Variants in MALRD1 observed in about 807,000 individuals in gnomAD.
The protein encoded by MALRD1 is MAM and LDL-receptor class A domain-containing protein 1.
Under a neutral mutation model 242.1 loss-of-function variants are expected in MALRD1, and 247 were observed. The ratio of observed to expected loss-of-function variants is 1.02; its 90% CI spans 0.92 to 1.13. The LOEUF (loss-of-function observed/expected upper bound fraction) is 1.13. Ranked by LOEUF, MALRD1 falls within the 50% of genes most tolerant of loss-of-function variation. The pLI, the probability that MALRD1 is intolerant of heterozygous loss-of-function variation, is 0.00. For synonymous variants in MALRD1, 995 were observed against 866.6 expected (o/e 1.15, Z -2.60); for missense variants, 2,989 against 2,533.1 (o/e 1.18, Z -3.86).
chr10:19,175,788 C>A (rs1009446255), intron 14 of MALRD1, among the ~76,000 whole-genome samples: 5 of 151,862 alleles, frequency 3.3e-5, no homozygotes, highest in African/African-American at 1.2e-4. Context: ...TAAAACTGGA[C>A]CTTAAAATTC....
intron 21 of MALRD1, among the ~76,000 whole-genome samples, chr10:19,295,870 C>G (rs932626244): frequency 6.6e-6 from 1 of 152,118 alleles, no homozygotes; most frequent in African/African-American, 2.4e-5. Context: ...TTTAGTAGGT[C>G]TGGGGTAGAC....
At chr10:19,168,718 A>G (rs1362270306) in intron 13 of MALRD1, among the ~76,000 whole-genome samples, 1 of 152,134 alleles carries the variant, frequency 6.6e-6, no homozygotes, top group Non-Finnish European at 1.5e-5. Flanking sequence ...TTTGGCTGCA[A>G]TGGATGTGTG....
Position 19,175,088 on chromosome 10 carries a change from C to A in MALRD1, c.1831-120C>A, listed in dbSNP as rs1010337993. The A allele has an allele frequency of 9.8e-6, 7 of 711,706 alleles. No individual in the cohort carries two copies. In the Admixed American group the frequency reaches 3.2e-4, roughly 32 times the overall value. The allele number at this position is 711,706 out of a possible 1,614,324, so 44.1% of individuals were successfully genotyped here. ...AGGATGTTCTGGTCAGAACAGTTTTCTAAAATTAGATTGGAGAATGGGACA... is the reference window on the plus strand; with the variant it reads ...AGGATGTTCTGGTCAGAACAGTTTTATAAAATTAGATTGGAGAATGGGACA... On this transcript the variant is annotated intron_variant, in intron 13 of 39. Transcript: ENST00000454679.
At chr10:19,441,217 T>C (rs1834627887) in intron 28 of MALRD1, among the ~76,000 whole-genome samples, 1 of 152,206 alleles carries the variant, frequency 6.6e-6, no homozygotes, top group African/African-American at 2.4e-5. Context: ...TAAATTTAAG[T>C]TCTTTGTAGA....
intron 5 of MALRD1, among the ~76,000 whole-genome samples, chr10:19,105,607 A>G (rs1028401537): frequency 2.6e-5 from 4 of 152,010 alleles, no homozygotes; most frequent in African/African-American, 7.2e-5. Context: ...AGGAACCTCC[A>G]TAATGTTCTA....
chr10:19,336,847 A>C (rs1318486348), intron 24 of MALRD1, among the ~76,000 whole-genome samples: 1 of 152,100 alleles, frequency 6.6e-6, no homozygotes, highest in Non-Finnish European at 1.5e-5. Flanking sequence ...AAGACCAATA[A>C]AATTTTCAAA....
intron 33 of MALRD1, among the ~76,000 whole-genome samples, chr10:19,586,874 C>T (rs961115696): frequency 1.1e-4 from 16 of 152,316 alleles, no homozygotes; most frequent in South Asian, 6.2e-4. Context: ...TAGCAATCAG[C>T]GAGACTCCGT....
At chr10:19,332,199 A>G (rs544651702) in intron 24 of MALRD1, among the ~76,000 whole-genome samples, 3 of 146,936 alleles carry the variant, frequency 2.0e-5, no homozygotes, top group South Asian at 2.2e-4. Context: ...TTGAAAAATG[A>G]CAGGCAAAAT....
intron 21 of MALRD1, among the ~76,000 whole-genome samples, chr10:19,283,533 T>C (rs117083121): frequency 6.6e-5 from 10 of 152,180 alleles, no homozygotes; most frequent in Non-Finnish European, 1.5e-4. Flanking sequence ...TTCCACCACC[T>C]CCTCCTCCCA....
intron 11 of MALRD1, among the ~76,000 whole-genome samples, chr10:19,153,097 G>A (rs1331569529): frequency 6.6e-6 from 1 of 152,076 alleles, no homozygotes; most frequent in African/African-American, 2.4e-5. Flanking sequence ...TCTATGACTT[G>A]ACACTTTCAT....
At position 19,491,585 on chromosome 10, in the gene MALRD1, T is replaced by C; in HGVS notation, c.5098T>C (p.Ser1700Pro). 1.3e-6 allele frequency: 2 copies of C among 1,550,266 alleles called. No individual in the cohort carries two copies. The highest frequency in any genetic ancestry group is 1.7e-6 in the Non-Finnish European group (2 of 1,146,852). ...GTGCCGGGACAAGAAGTGCATTGCA[T>C]CCCACCTTCTTTGTGACTATAAGCC... Reference protein sequence around the residue: ...FLCRDKKCIASHLLCDYKPDC... With the variant: ...FLCRDKKCIAPHLLCDYKPDC... The change falls in exon 30 of 40, where the codon TCC becomes CCC. Residue 1700 changes from serine (S) to proline (P), a missense_variant. Ser to Pro is a moderately conservative substitution (Grantham distance 74). Coordinates refer to ENST00000454679, the MANE Select transcript of MALRD1 (RefSeq NM_001142308.3).
chr10:19,670,906 T>A (rs1589382160), intron 36 of MALRD1, among the ~76,000 whole-genome samples: 1 of 148,104 alleles, frequency 6.8e-6, no homozygotes, highest in East Asian at 2.0e-4. Flanking sequence ...TGAGATGGAG[T>A]CTTGCTCTGT....
intron 36 of MALRD1, among the ~76,000 whole-genome samples, chr10:19,653,223 G>C (rs1032612711): frequency 6.6e-6 from 1 of 151,684 alleles, no homozygotes; most frequent in African/African-American, 2.4e-5. Context: ...TTGAGACAGA[G>C]TTTCACTCTG....
intron 36 of MALRD1, among the ~76,000 whole-genome samples, chr10:19,660,702 T>C (rs537163508): frequency 6.6e-6 from 1 of 152,336 alleles, no homozygotes; most frequent in South Asian, 2.1e-4. Flanking sequence ...TAAAATAGCA[T>C]GTGTCAAAAT....
At chr10:19,134,163 C>T (rs917556310) in intron 9 of MALRD1, among the ~76,000 whole-genome samples, 1 of 152,154 alleles carries the variant, frequency 6.6e-6, no homozygotes, top group African/African-American at 2.4e-5. Context: ...TCTCCACTCT[C>T]GTTCACAGCT....
chr10:19,668,346 G>A (rs550821102), intron 36 of MALRD1, among the ~76,000 whole-genome samples: 10 of 152,144 alleles, frequency 6.6e-5, no homozygotes, highest in South Asian at 2.1e-4. Flanking sequence ...ATGAAGCCTC[G>A]AAAATTCTAT....
chr10:19,312,798 T>A (rs753146272), intron 21 of MALRD1, among the ~76,000 whole-genome samples: 4 of 151,378 alleles, frequency 2.6e-5, no homozygotes, highest in African/African-American at 4.8e-5. Flanking sequence ...TTAGATGAAA[T>A]TAGATTTTAA....
At chr10:19,557,058 T>C (rs1033140735) in intron 32 of MALRD1, among the ~76,000 whole-genome samples, 2 of 152,164 alleles carry the variant, frequency 1.3e-5, no homozygotes, top group African/African-American at 2.4e-5. Context: ...GTTTGAGTAT[T>C]TTCTATATGC....
chr10:19,262,160 T>C (rs1374880325), intron 19 of MALRD1, among the ~76,000 whole-genome samples: 1 of 152,184 alleles, frequency 6.6e-6, no homozygotes, highest in East Asian at 1.9e-4. Flanking sequence ...TTATACCTGA[T>C]TTGTTTCAAT....
Sources: gnomAD v4.1 joint callset for allele counts (sites outside exome capture counted in the v4.1 genomes callset) on GRCh38, gnomAD v4.1.1 for gene constraint, MANE v1.5 for transcripts, NCBI Gene and HGNC (gene_info 2026-07-23, HGNC 2026-07-21) for gene names.